The following MAGI2 variants were observed in gnomAD, a reference collection of about 807,000 sequenced individuals.
MAGI2 encodes membrane-associated guanylate kinase, WW and PDZ domain-containing protein 2.
MAGI2 carries 35 observed loss-of-function variants against 133.3 expected under a neutral mutation model. That is an observed-to-expected ratio of 0.26 (90% CI 0.20 to 0.35). MAGI2 has a LOEUF of 0.35. Among genes scored for constraint, MAGI2 ranks in the 10% least tolerant of loss-of-function variants. The pLI, the probability that MAGI2 is intolerant of heterozygous loss-of-function variation, is 1.00. For missense variants in MAGI2, 1,636 were observed against 1,863.4 expected (o/e 0.88, Z 2.25); for synonymous variants, 729 against 710.6 (o/e 1.03, Z -0.41).
intron 1 of MAGI2, among the ~76,000 whole-genome samples, chr7:79,067,668 T>A (rs886908397): frequency 6.6e-6 from 1 of 152,212 alleles, no homozygotes; most frequent in Non-Finnish European, 1.5e-5. Flanking sequence ...AGAGAAGGCA[T>A]CCTTGTCTTG....
chr7:79,359,015 T>C (rs1046832636), intron 1 of MAGI2, among the ~76,000 whole-genome samples: 2 of 152,134 alleles, frequency 1.3e-5, no homozygotes, highest in African/African-American at 2.4e-5. Flanking sequence ...GACAATCAAC[T>C]GGTGTCAATA....
chr7:78,685,477 T>C (rs992309463), intron 2 of MAGI2, among the ~76,000 whole-genome samples: 1 of 151,108 alleles, frequency 6.6e-6, no homozygotes, highest in East Asian at 2.0e-4. Flanking sequence ...TTTTTTTTTT[T>C]TTTAACAGCC....
In MAGI2 at chr7:78,804,610, A is replaced by G. The variant is rs189795077; in HGVS notation, c.419-177371T>C. Among the ~76,000 whole-genome samples, 1,412 of 151,460 alleles carry G rather than the reference A, an allele frequency of 9.3e-3. 10 individuals carry two copies. The highest frequency in any genetic ancestry group is 0.026 in the African/African-American group (1,067 of 41,260). On this transcript the variant is annotated intron_variant, in intron 2 of 21. Coordinates refer to ENST00000354212, the MANE Select transcript of MAGI2 (RefSeq NM_012301.4). ...AAAAATACAAAAAAATTAGCCGGGC[A>G]TGGTGGCGGGCGCCTGTAGTCCCAG...
At chr7:79,198,379 C>T (rs1303107272) in intron 1 of MAGI2, among the ~76,000 whole-genome samples, 1 of 151,796 alleles carries the variant, frequency 6.6e-6, no homozygotes, top group Non-Finnish European at 1.5e-5. Flanking sequence ...TCAATTTTGC[C>T]TCTCAGAGAT....
chr7:78,656,325 T>G (rs1558110), intron 2 of MAGI2, among the ~76,000 whole-genome samples: 7,671 of 152,284 alleles, frequency 0.05, 293 homozygotes, highest in East Asian at 0.16. Flanking sequence ...AAGAAAATGT[T>G]GGGTATCCAT....
At chr7:78,380,396 T>C (rs1484466026) in intron 6 of MAGI2, among the ~76,000 whole-genome samples, 1 of 152,062 alleles carries the variant, frequency 6.6e-6, no homozygotes, top group East Asian at 1.9e-4. Context: ...ATATATACAA[T>C]GGAGTACTAT....
At chr7:78,791,524 T>C (rs1403042930) in intron 2 of MAGI2, among the ~76,000 whole-genome samples, 2 of 151,558 alleles carry the variant, frequency 1.3e-5, no homozygotes, top group Non-Finnish European at 2.9e-5. Flanking sequence ...TTTTAATGGC[T>C]AACCCTGAGA....
At chr7:79,166,766 G>A (rs1432722305) in intron 1 of MAGI2, among the ~76,000 whole-genome samples, 3 of 152,072 alleles carry the variant, frequency 2.0e-5, no homozygotes, top group Admixed American at 6.6e-5. Context: ...GAGGGAATCA[G>A]TAAGACTAAT....
rs1365048340 is a variant in MAGI2 at position 78,549,174 on chromosome 7, T to G, written c.539-27529A>C. On this transcript the variant is annotated intron_variant, in intron 3 of 21. Coordinates refer to ENST00000354212, the MANE Select transcript of MAGI2 (RefSeq NM_012301.4). ...TGTGGACTTTGAGAATAAGAAAAGTTGATAGATATAAGTGGGCCTGGAACT... is the reference window on the plus strand; with the variant it reads ...TGTGGACTTTGAGAATAAGAAAAGTGGATAGATATAAGTGGGCCTGGAACT... Among the ~76,000 whole-genome samples the G allele has an allele frequency of 2.6e-5, 4 of 152,200 alleles. No individual in the cohort carries two copies. The East Asian group carries it at 7.7e-4, about 29-fold the overall frequency.
chr7:78,819,114 A>G (rs977243735), intron 2 of MAGI2, among the ~76,000 whole-genome samples: 7 of 152,166 alleles, frequency 4.6e-5, no homozygotes, highest in Non-Finnish European at 1.0e-4. Flanking sequence ...AGAGACCCAC[A>G]TACCCAGATC....
intron 1 of MAGI2, among the ~76,000 whole-genome samples, chr7:79,339,117 A>G (rs1162894606): frequency 6.6e-6 from 1 of 152,118 alleles, no homozygotes; most frequent in Non-Finnish European, 1.5e-5. Context: ...AAGTTATTTT[A>G]AGAGTATCTT....
intron 6 of MAGI2, among the ~76,000 whole-genome samples, chr7:78,456,057 C>T (rs763813049): frequency 6.6e-6 from 1 of 151,704 alleles, no homozygotes; most frequent in East Asian, 1.9e-4. Context: ...GTTTCAGTTG[C>T]TTCTACATGA....
chr7:78,562,955 TC>T (rs1392271863), intron 3 of MAGI2, among the ~76,000 whole-genome samples: 2 of 151,786 alleles, frequency 1.3e-5, no homozygotes, highest in African/African-American at 4.8e-5. Context: ...ACATTCACTT[TC>T]CCCTCCATCT....
intron 9 of MAGI2, among the ~76,000 whole-genome samples, chr7:78,273,742 T>A (rs1047544003): frequency 6.6e-6 from 1 of 152,200 alleles, no homozygotes; most frequent in African/African-American, 2.4e-5. Flanking sequence ...TTGATACTTA[T>A]GTATACTTCA....
At chr7:78,053,788 T>C (rs1216119917) in intron 21 of MAGI2, among the ~76,000 whole-genome samples, 1 of 152,180 alleles carries the variant, frequency 6.6e-6, no homozygotes, top group African/African-American at 2.4e-5. Context: ...AAACGCGAAG[T>C]GAGAAAAAAT....
chr7:78,511,411 G>GTGC (rs1795552087), intron 4 of MAGI2, among the ~76,000 whole-genome samples: 1 of 151,656 alleles, frequency 6.6e-6, no homozygotes, highest in South Asian at 2.1e-4. Context: ...GTCAATTATT[G>GTGC]CTCAAAGAAT....
chr7:79,353,735 T>G (rs1223466705), intron 1 of MAGI2: 1 of 259,264 alleles, frequency 3.9e-6, no homozygotes, highest in Non-Finnish European at 8.0e-6. Context: ...CTGATTAGTC[T>G]CCTTCTAGGT....
At chr7:78,218,855 T>A (rs1420515932) in intron 10 of MAGI2, among the ~76,000 whole-genome samples, 2 of 152,134 alleles carry the variant, frequency 1.3e-5, no homozygotes, top group Non-Finnish European at 2.9e-5. Flanking sequence ...AATTAACAAG[T>A]CGAGAACCAC....
chr7:79,007,574 A>G (rs1807584290), intron 1 of MAGI2, among the ~76,000 whole-genome samples: 1 of 151,942 alleles, frequency 6.6e-6, no homozygotes. Flanking sequence ...ATTCCATCCT[A>G]CCCCAAATCC....
Sources: gnomAD v4.1 joint callset for allele counts (sites outside exome capture counted in the v4.1 genomes callset) on GRCh38, gnomAD v4.1.1 for gene constraint, MANE v1.5 for transcripts, NCBI Gene and HGNC (gene_info 2026-07-23, HGNC 2026-07-21) for gene names.